The following ASAP2 variants were observed in gnomAD, a reference collection of about 807,000 sequenced individuals.
The protein encoded by ASAP2 is arf-GAP with SH3 domain, ANK repeat and PH domain-containing protein 2.
ASAP2 carries 45 observed loss-of-function variants against 131.4 expected under a neutral mutation model. The ratio of observed to expected loss-of-function variants is 0.34; its 90% confidence interval spans 0.27 to 0.44. The LOEUF (loss-of-function observed/expected upper bound fraction) is 0.44, where lower values mean the gene tolerates loss of function less well. Among genes scored for constraint, ASAP2 ranks in the 20% least tolerant of loss-of-function variants. ASAP2 has a pLI of 1.00. For synonymous variants in ASAP2, 510 were observed against 503.0 expected (o/e 1.01, Z -0.19); for missense variants, 1,011 against 1,297.0 (o/e 0.78, Z 3.39).
In ASAP2 at chr2:9,369,717, C is replaced by T. The variant is rs114762012; in HGVS notation, c.1556+1198C>T. On this transcript the variant is annotated intron_variant, in intron 16 of 27. Coordinates refer to ENST00000281419, the MANE Select transcript of ASAP2 (RefSeq NM_003887.3). ...AATTCATTTACAGAAACAGCATTTT[C>T]TGTGGAATAAGCCTGAAGTAGAATT... 6.7e-3 allele frequency among the ~76,000 whole-genome samples: 1,019 copies of T among 152,318 alleles called. 14 individuals are homozygous for T. Among genetic ancestry groups the T allele is most frequent in the African/African-American group, 0.022 (905 of 41,566 alleles).
At chr2:9,372,861 TG>T (rs1674089980) in intron 16 of ASAP2, among the ~76,000 whole-genome samples, 1 of 152,136 alleles carries the variant, frequency 6.6e-6, no homozygotes, top group South Asian at 2.1e-4. Context: ...TAGCCGAACG[TG>T]CACAGCTTTG....
chr2:9,341,626 C>T (rs999085079), intron 9 of ASAP2, among the ~76,000 whole-genome samples: 30 of 152,200 alleles, frequency 2.0e-4, no homozygotes, highest in African/African-American at 6.3e-4. Context: ...AATCAATAGA[C>T]GTATTTCTTG....
chr2:9,278,253 C>CT (rs1047356979), intron 1 of ASAP2, among the ~76,000 whole-genome samples: 6 of 152,122 alleles, frequency 3.9e-5, no homozygotes, highest in African/African-American at 1.4e-4. Flanking sequence ...GTTAAAAGGA[C>CT]TTTTTACCCA....
At chr2:9,283,048 T>G (rs1667236529) in intron 2 of ASAP2, among the ~76,000 whole-genome samples, 1 of 152,092 alleles carries the variant, frequency 6.6e-6, no homozygotes, top group Non-Finnish European at 1.5e-5. Context: ...AGCGTAGCCC[T>G]CTTTGACTCT....
intron 9 of ASAP2, chr2:9,336,032 G>A (rs1236439879): frequency 6.6e-6 from 1 of 152,142 alleles, no homozygotes; most frequent in Non-Finnish European, 1.5e-5. Flanking sequence ...TTTTGTGACC[G>A]AAGTCTAGGA....
At chr2:9,218,013 A>G (rs955691792) in intron 1 of ASAP2, among the ~76,000 whole-genome samples, 9 of 151,480 alleles carry the variant, frequency 5.9e-5, no homozygotes, top group Admixed American at 5.9e-4. Context: ...TTTTAAATTG[A>G]TGATTTGATC....
At chr2:9,301,477 A>G (rs551596707) in intron 3 of ASAP2, among the ~76,000 whole-genome samples, 20 of 152,346 alleles carry the variant, frequency 1.3e-4, no homozygotes, top group Admixed American at 1.1e-3. Flanking sequence ...CTCTTCCCCA[A>G]TGGATGTGAG....
At position 9,207,178 on chromosome 2, in the gene ASAP2, G is replaced by C. The variant is rs781444144; in HGVS notation, c.74G>C (p.Ser25Thr). 7 of 1,605,314 alleles carry C rather than the reference G, an allele frequency of 4.4e-6. No homozygotes were observed. The highest frequency in any genetic ancestry group is 5.9e-6 in the Non-Finnish European group (7 of 1,176,548). ...GACTACAAGGCGCCCACGGCCTCCA[G>C]CTTCACCACCCGCACGGCGCAGTGC... ...HEDYKAPTAS[S>T]FTTRTAQCRN... Residue 25 changes from serine to threonine, a missense_variant, in exon 1 of 28, where the codon AGC (serine) becomes ACC (threonine). By Grantham distance (58) the Ser-to-Thr change is moderately conservative (BLOSUM62 1). Coordinates refer to ENST00000281419, the MANE Select transcript of ASAP2 (RefSeq NM_003887.3). The surrounding 1 kb of genome is among the most constrained non-coding windows in gnomAD (Gnocchi z 4.1).
At chr2:9,263,860 G>A (rs571894410) in intron 1 of ASAP2, among the ~76,000 whole-genome samples, 1 of 152,118 alleles carries the variant, frequency 6.6e-6, no homozygotes, top group Non-Finnish European at 1.5e-5. Flanking sequence ...TCTATAATAG[G>A]TTAAGTATTT....
chr2:9,330,914 G>A (rs1450633054), intron 7 of ASAP2, among the ~76,000 whole-genome samples: 2 of 152,192 alleles, frequency 1.3e-5, no homozygotes, highest in African/African-American at 2.4e-5. Context: ...TTGGATATGA[G>A]AGAGAGTGTG....
chr2:9,359,324 C>T (rs570014055), intron 15 of ASAP2, among the ~76,000 whole-genome samples: 2 of 152,378 alleles, frequency 1.3e-5, no homozygotes, highest in South Asian at 4.1e-4. Flanking sequence ...CCAGATTGTC[C>T]CCCATGGGGG....
chr2:9,400,957 G>T, intron 26 of ASAP2, 127 bp downstream of exon 26: 1 of 982,876 alleles, frequency 1.0e-6, no homozygotes, highest in Non-Finnish European at 1.5e-6. Context: ...GCTCTTCTTG[G>T]TACCTGACTG....
chr2:9,404,793 A>C lies in ASAP2; in HGVS notation c.*1466A>C, dbSNP rs1298436937. On this transcript the variant is annotated 3_prime_UTR_variant, in exon 28 of 28. Transcript: ENST00000281419. ...TTTTTGTTATAAAGGAAGACAGAAC[A>C]AACTGGAATGTTTTATGATGTTGTA... 6.6e-6 allele frequency: 1 copy of C among 152,460 alleles called. No individual in the cohort carries two copies. Among genetic ancestry groups the C allele is most frequent in the Non-Finnish European group, 1.5e-5 (1 of 67,998 alleles). 9.4% of individuals were successfully genotyped at this position (152,460 alleles called of 1,614,324 possible).
intron 3 of ASAP2, among the ~76,000 whole-genome samples, chr2:9,301,136 C>G (rs1668448738): frequency 6.6e-6 from 1 of 152,206 alleles, no homozygotes; most frequent in Admixed American, 6.5e-5. Context: ...CCAAGCCTTG[C>G]TTTTGCTTTC....
intron 1 of ASAP2, among the ~76,000 whole-genome samples, chr2:9,214,264 G>T (rs1661823471): frequency 6.6e-6 from 1 of 152,128 alleles, no homozygotes; most frequent in South Asian, 2.1e-4. Flanking sequence ...TTGAGGTGGA[G>T]TCTTGCTCGG....
At chr2:9,274,418 G>C (rs1225265658) in intron 1 of ASAP2, among the ~76,000 whole-genome samples, 1 of 150,230 alleles carries the variant, frequency 6.7e-6, no homozygotes, top group East Asian at 2.0e-4. Context: ...TGTCCCCCAG[G>C]TTCAAGCGAT....
In ASAP2 at chr2:9,326,646, C is replaced by CA. The variant is rs1323085630; in HGVS notation, c.601-1172dup. On this transcript the variant is annotated intron_variant, in intron 6 of 27. Transcript: ENST00000281419. ...CTTTATATGTCCCTATGTATACATT[C>CA]AAAAAAAATCGTATAAGTAGATCTT... Among the ~76,000 whole-genome samples the CA allele has an allele frequency of 2.2e-4, 33 of 151,962 alleles. 1 individual carries two copies. The Middle Eastern group carries it at 0.024, about 110-fold the overall frequency.
intron 15 of ASAP2, among the ~76,000 whole-genome samples, chr2:9,363,719 T>G (rs981494634): frequency 1.2e-4 from 18 of 152,152 alleles, no homozygotes; most frequent in African/African-American, 3.6e-4. Context: ...TATAGGCATG[T>G]GCCACCATGC....
At chr2:9,257,549 C>G (rs1452226770) in intron 1 of ASAP2, among the ~76,000 whole-genome samples, 2 of 152,218 alleles carry the variant, frequency 1.3e-5, no homozygotes, top group Admixed American at 1.3e-4. Flanking sequence ...GACAAGGTTT[C>G]TCTCTGTCAC....
Sources: allele counts gnomAD v4.1 joint callset (sites outside exome capture counted in the v4.1 genomes callset), GRCh38; gene constraint gnomAD v4.1.1; non-coding constraint Gnocchi (gnomAD v3.1); transcripts MANE v1.5; gene names NCBI Gene and HGNC (gene_info 2026-07-23, HGNC 2026-07-21).